The following LIPC variants were observed in gnomAD, a reference collection of about 807,000 sequenced individuals.
LIPC encodes the protein hepatic triacylglycerol lipase.
In LIPC, 44 loss-of-function variants were observed where a neutral mutation model predicts 50.7. The observed-to-expected ratio is 0.87, with a 90% confidence interval of 0.68 to 1.11. The LOEUF is 1.11. LIPC is among the 50% of genes most tolerant of loss of function. The pLI, the probability that LIPC is intolerant of heterozygous loss-of-function variation, is 0.00. For synonymous variants in LIPC, 271 were observed against 256.4 expected, an observed-to-expected ratio of 1.06 and a Z score of -0.54; for missense variants, 697 against 648.2, an observed-to-expected ratio of 1.08 and a Z score of -0.82.
chr15:58,553,719 T>A (rs1352863577), intron 6 of LIPC, among the ~76,000 whole-genome samples: 1 of 152,198 alleles, frequency 6.6e-6, no homozygotes, highest in Non-Finnish European at 1.5e-5. Flanking sequence ...CACATACAGG[T>A]GTTACATACA....
chr15:58,441,665 A>G (rs1893512810), intron 1 of LIPC, among the ~76,000 whole-genome samples: 1 of 152,182 alleles, frequency 6.6e-6, no homozygotes, highest in Non-Finnish European at 1.5e-5. Context: ...AAGCAAGGGG[A>G]ATTCTGGATT....
chr15:58,532,685 A>G (rs1331384363), intron 1 of LIPC, among the ~76,000 whole-genome samples: 1 of 152,212 alleles, frequency 6.6e-6, no homozygotes, highest in Non-Finnish European at 1.5e-5. Flanking sequence ...CTTCTAGCCC[A>G]GGCATCATGG....
intron 1 of LIPC, among the ~76,000 whole-genome samples, chr15:58,442,958 G>A (rs1156233904): frequency 6.6e-6 from 1 of 152,200 alleles, no homozygotes; most frequent in African/African-American, 2.4e-5. Flanking sequence ...TGTTGCCCAG[G>A]CTGGAGTGCA....
intron 1 of LIPC, among the ~76,000 whole-genome samples, chr15:58,501,077 T>C (rs1464407353): frequency 6.6e-6 from 1 of 151,986 alleles, no homozygotes; most frequent in Non-Finnish European, 1.5e-5. Context: ...ACCCTTCTGT[T>C]CTCCTTTCAC....
At chr15:58,440,947 G>A (rs1433176431) in intron 1 of LIPC, among the ~76,000 whole-genome samples, 1 of 152,190 alleles carries the variant, frequency 6.6e-6, no homozygotes, top group Admixed American at 6.5e-5. Context: ...GGAAGGACAG[G>A]AAGGGCCATC....
At chr15:58,495,931 G>A (rs1021554878) in intron 1 of LIPC, among the ~76,000 whole-genome samples, 9 of 152,188 alleles carry the variant, frequency 5.9e-5, no homozygotes, top group Admixed American at 1.3e-4. Flanking sequence ...GCAGACAAAT[G>A]CAAAATTTCC....
rs140272400 is a variant in LIPC, at chr15:58,560,876, A to G, written c.1064A>G (p.Gln355Arg). The change falls in exon 7 of 9, where the codon CAG becomes CGG. Residue 355 changes from glutamine (Q) to arginine (R), a missense_variant. Gln to Arg is a conservative substitution (Grantham distance 43). Transcript: ENST00000299022. ...AQSPFKVYHY[Q>R]FKIQFINQTE... ...TCTCTCTCTCTAGTTTATCATTACC[A>G]GTTCAAGATCCAGTTCATCAACCAA... The G allele has an allele frequency of 1.3e-3, 1,425 of 1,108,494 alleles. 27 individuals carry two copies. In the Admixed American group the frequency reaches 0.023, roughly 18 times the overall value. 68.7% of individuals were successfully genotyped at this position (1,108,494 alleles called of 1,614,324 possible). A position where few individuals can be genotyped will look rare whatever the true frequency, so the allele number is the denominator to read the frequency against.
At position 58,470,073 on chromosome 15, in the gene LIPC, C is replaced by T. The variant is rs187039682; in HGVS notation, c.88+37953C>T. Reference sequence around the variant, plus strand: ...TCAGACTCCTGAGTAGCTGGGACTACGGGTACATACCACCACACCCGGATA... The same window carrying T: ...TCAGACTCCTGAGTAGCTGGGACTATGGGTACATACCACCACACCCGGATA... On this transcript the variant is annotated intron_variant, in intron 1 of 8. Coordinates refer to ENST00000299022, the MANE Select transcript of LIPC (RefSeq NM_000236.3). Among the ~76,000 whole-genome samples the T allele has an allele frequency of 7.2e-5, 11 of 152,032 alleles. No individual in the cohort carries two copies. The East Asian group carries it at 9.7e-4, about 13-fold the overall frequency.
At chr15:58,451,592 A>T (rs1191350735) in intron 1 of LIPC, among the ~76,000 whole-genome samples, 1 of 152,178 alleles carries the variant, frequency 6.6e-6, no homozygotes, top group Non-Finnish European at 1.5e-5. Flanking sequence ...CACAGGCAGG[A>T]GAATGGGATG....
intron 1 of LIPC, among the ~76,000 whole-genome samples, chr15:58,490,880 GAGCCTGAGA>G (rs1188164088): frequency 6.6e-6 from 1 of 152,156 alleles, no homozygotes; most frequent in African/African-American, 2.4e-5. Flanking sequence ...TGAGAGCCCA[GAGCCTGAGA>G]AGTGTGGAGG....
chr15:58,567,348 T>TATATATAC (rs1894422372), intron 8 of LIPC, among the ~76,000 whole-genome samples: 3 of 79,880 alleles, frequency 3.8e-5, no homozygotes, highest in South Asian at 4.4e-4. Context: ...TGTATATGTA[T>TATATATAC]ATATATATAT....
chr15:58,537,453 G>T (rs942944665), intron 1 of LIPC, among the ~76,000 whole-genome samples: 1 of 152,288 alleles, frequency 6.6e-6, no homozygotes, highest in Non-Finnish European at 1.5e-5. Context: ...GAAAGCCTCC[G>T]AATGGACATT....
At chr15:58,558,217 C>T (rs569734128) in intron 6 of LIPC, among the ~76,000 whole-genome samples, 151 of 152,062 alleles carry the variant, frequency 9.9e-4, no homozygotes, top group Non-Finnish European at 1.8e-3. Context: ...GGACTACAGG[C>T]GCCCACCACC....
intron 6 of LIPC, among the ~76,000 whole-genome samples, chr15:58,550,889 T>G (rs1482268174): frequency 7.6e-6 from 1 of 130,978 alleles, no homozygotes; most frequent in Non-Finnish European, 1.5e-5. Context: ...CAGGCTGGAG[T>G]GCAGTGGCGT....
At chr15:58,486,252 C>A (rs1891372989) in intron 1 of LIPC, among the ~76,000 whole-genome samples, 1 of 152,164 alleles carries the variant, frequency 6.6e-6, no homozygotes, top group Admixed American at 6.5e-5. Flanking sequence ...CCAGAGCATC[C>A]CTCCCCCATC....
intron 1 of LIPC, among the ~76,000 whole-genome samples, chr15:58,492,288 A>G (rs947582486): frequency 4.6e-5 from 7 of 152,204 alleles, no homozygotes; most frequent in African/African-American, 1.7e-4. Context: ...CTCTATGGCC[A>G]TGGAAGCTTC....
chr15:58,489,640 G>A (rs1446317188), intron 1 of LIPC, among the ~76,000 whole-genome samples: 1 of 152,156 alleles, frequency 6.6e-6, no homozygotes, highest in Admixed American at 6.5e-5. Context: ...CTACAATAGT[G>A]ATGTTATCTA....
At chr15:58,475,487 C>T (rs1473645158) in intron 1 of LIPC, among the ~76,000 whole-genome samples, 2 of 152,182 alleles carry the variant, frequency 1.3e-5, no homozygotes, top group African/African-American at 2.4e-5. Flanking sequence ...GTTCTTTCAA[C>T]ACCCAACTCA....
chr15:58,531,484 A>G (rs79982007), intron 1 of LIPC, among the ~76,000 whole-genome samples: 1,659 of 152,330 alleles, frequency 0.011, 37 homozygotes, highest in African/African-American at 0.038. Context: ...GAAGTGCAGT[A>G]GAATTCAAGA....
Sources: allele counts gnomAD v4.1 joint callset (sites outside exome capture counted in the v4.1 genomes callset), GRCh38; gene constraint gnomAD v4.1.1; transcripts MANE v1.5; gene names NCBI Gene and HGNC (gene_info 2026-07-23, HGNC 2026-07-21).